The following GHR variants were observed in gnomAD, a reference collection of about 807,000 sequenced individuals.
GHR encodes GH receptor.
A neutral mutation model predicts 67.1 loss-of-function variants in GHR; 35 were observed. That is an observed-to-expected ratio of 0.52 (90% CI 0.40 to 0.69). GHR has a LOEUF of 0.69. Ranked by LOEUF, GHR falls within the 30% of genes least tolerant of loss-of-function variation. The pLI is 0.00. For missense variants in GHR, 792 were observed against 764.6 expected (o/e 1.04, Z -0.42); for synonymous variants, 272 against 269.1 (o/e 1.01, Z -0.10).
At chr5:42,525,493 G>A (rs1243138540) in intron 1 of GHR, among the ~76,000 whole-genome samples, 6 of 152,222 alleles carry the variant, frequency 3.9e-5, no homozygotes, top group African/African-American at 9.6e-5. Context: ...CTTATAGGCA[G>A]AAAAGATTTG....
At chr5:42,547,337 G>A (rs187520296) in intron 1 of GHR, among the ~76,000 whole-genome samples, 1 of 152,238 alleles carries the variant, frequency 6.6e-6, no homozygotes, top group African/African-American at 2.4e-5. Context: ...AGGACTGTTG[G>A]TCACACACAG....
intron 1 of GHR, among the ~76,000 whole-genome samples, chr5:42,488,559 T>G (rs145517800): frequency 6.6e-6 from 1 of 152,348 alleles, no homozygotes; most frequent in Admixed American, 6.5e-5. Context: ...CAATTTTTTT[T>G]GTACCTTGGC....
Position 42,424,439 on chromosome 5 carries a change from C to T in GHR, c.-12+484C>T, listed in dbSNP as rs986856138. ...CTGCTGTTGCGCGGGGAAGAATCCC[C>T]GGCAGCGCGACTGGAGAGACTGGGG... On this transcript the variant is annotated intron_variant, in intron 1 of 9. Coordinates refer to ENST00000230882, the MANE Select transcript of GHR (RefSeq NM_000163.5). The surrounding 1 kb of genome is among the most constrained non-coding windows in gnomAD (Gnocchi z 4.1). 1.5e-6 allele frequency: 1 copy of T among 647,930 alleles called. No individual in the cohort carries two copies. 40.1% of individuals were successfully genotyped at this position (647,930 alleles called of 1,614,324 possible).
chr5:42,657,432 G>T (rs1755313580), intron 3 of GHR, among the ~76,000 whole-genome samples: 1 of 152,076 alleles, frequency 6.6e-6, no homozygotes, highest in South Asian at 2.1e-4. Flanking sequence ...CTTCTAAGTG[G>T]CCATCTATCC....
At chr5:42,668,607 T>C (rs781303455) in intron 3 of GHR, among the ~76,000 whole-genome samples, 14 of 152,144 alleles carry the variant, frequency 9.2e-5, no homozygotes, top group Non-Finnish European at 2.9e-5. Flanking sequence ...ATTAAAAACA[T>C]GCACATAAGA....
At chr5:42,479,177 T>C (rs527458457) in intron 1 of GHR, among the ~76,000 whole-genome samples, 5 of 152,336 alleles carry the variant, frequency 3.3e-5, no homozygotes, top group African/African-American at 1.2e-4. Context: ...GTTTATATGC[T>C]GGATTACATT....
At chr5:42,599,455 G>A (rs529642596) in intron 2 of GHR, among the ~76,000 whole-genome samples, 5 of 144,042 alleles carry the variant, frequency 3.5e-5, no homozygotes, top group Admixed American at 1.4e-4. Flanking sequence ...TCTGCCTCCC[G>A]GGTTCAAGCA....
At position 42,553,539 on chromosome 5, in the gene GHR, C is replaced by T. The variant is rs145752478; in HGVS notation, c.-11-12325C>T. ...AAGTTTCTAGTCTCTCTGACTTCCC[C>T]TTCTGCCATATCTCATTCTGCTTTT... On this transcript the variant is annotated intron_variant, in intron 1 of 9. Coordinates refer to ENST00000230882, the MANE Select transcript of GHR (RefSeq NM_000163.5). 5.8e-4 allele frequency among the ~76,000 whole-genome samples: 89 copies of T among 152,324 alleles called. 2 individuals are homozygous for T. Among genetic ancestry groups the T allele is most frequent in the Middle Eastern group, 6.8e-3 (2 of 294 alleles).
chr5:42,550,360 T>G (rs1470094947), intron 1 of GHR, among the ~76,000 whole-genome samples: 1 of 152,104 alleles, frequency 6.6e-6, no homozygotes, highest in Non-Finnish European at 1.5e-5. Flanking sequence ...GCCTCTGGCT[T>G]CTGTCATTGT....
intron 2 of GHR, among the ~76,000 whole-genome samples, chr5:42,622,752 A>G (rs1237583231): frequency 1.3e-5 from 2 of 152,198 alleles, no homozygotes; most frequent in African/African-American, 4.8e-5. Context: ...TTGCCAGAAC[A>G]TTGATTCTCC....
chr5:42,522,080 C>A (rs34442859), intron 1 of GHR, among the ~76,000 whole-genome samples: 330 of 152,192 alleles, frequency 2.2e-3, no homozygotes, highest in African/African-American at 7.7e-3. Context: ...AATAAACACC[C>A]CATTGTTCCA....
chr5:42,620,367 A>C (rs1753381524), intron 2 of GHR, among the ~76,000 whole-genome samples: 1 of 152,184 alleles, frequency 6.6e-6, no homozygotes, highest in African/African-American at 2.4e-5. Flanking sequence ...TATTTAAGGA[A>C]CTATGCTAAT....
At chr5:42,427,135 C>G (rs1239468356) in intron 1 of GHR, among the ~76,000 whole-genome samples, 1 of 152,208 alleles carries the variant, frequency 6.6e-6, no homozygotes, top group East Asian at 1.9e-4. Context: ...AGTTTTTCAT[C>G]CACTATAGGG....
chr5:42,532,777 A>AT (rs1294089435), intron 1 of GHR, among the ~76,000 whole-genome samples: 1 of 152,108 alleles, frequency 6.6e-6, no homozygotes, highest in Non-Finnish European at 1.5e-5. Flanking sequence ...ACCCTAGTTC[A>AT]TTTTTTAATT....
chr5:42,547,138 T>C (rs1748772085), intron 1 of GHR, among the ~76,000 whole-genome samples: 1 of 152,196 alleles, frequency 6.6e-6, no homozygotes, highest in Non-Finnish European at 1.5e-5. Context: ...ACTATTAAAA[T>C]GAATTTTCCC....
At chr5:42,664,929 G>C (rs551853162) in intron 3 of GHR, among the ~76,000 whole-genome samples, 1 of 152,264 alleles carries the variant, frequency 6.6e-6, no homozygotes, top group South Asian at 2.1e-4. Context: ...CAAAAAGTGG[G>C]CAAAGGACAT....
intron 2 of GHR, among the ~76,000 whole-genome samples, chr5:42,610,347 C>A (rs1248731607): frequency 6.6e-6 from 1 of 152,188 alleles, no homozygotes; most frequent in African/African-American, 2.4e-5. Flanking sequence ...TTACCCAGTA[C>A]ATGTACTCCA....
At chr5:42,432,157 A>C (rs952691219) in intron 1 of GHR, among the ~76,000 whole-genome samples, 10 of 152,354 alleles carry the variant, frequency 6.6e-5, no homozygotes, top group South Asian at 2.1e-4. Context: ...CATCTCCTCT[A>C]TTCCTTTAGA....
chr5:42,577,998 A>G (rs1750856822), intron 2 of GHR, among the ~76,000 whole-genome samples: 1 of 152,236 alleles, frequency 6.6e-6, no homozygotes, highest in African/African-American at 2.4e-5. Context: ...AGCTCACAGA[A>G]CATATGATTA....
Sources: allele counts gnomAD v4.1 joint callset (sites outside exome capture counted in the v4.1 genomes callset), GRCh38; gene constraint gnomAD v4.1.1; non-coding constraint Gnocchi (gnomAD v3.1); transcripts MANE v1.5; gene names NCBI Gene and HGNC (gene_info 2026-07-23, HGNC 2026-07-21).